Variants in NT5DC3 observed in about 807,000 individuals in gnomAD.
The protein encoded by NT5DC3 is 5'-nucleotidase domain-containing protein 3.
Under a neutral mutation model 67.8 loss-of-function variants are expected in NT5DC3, and 42 were observed. The observed-to-expected ratio is 0.62, with a 90% CI of 0.48 to 0.80. The LOEUF is 0.80. NT5DC3 is among the 30% of genes least tolerant of loss of function. NT5DC3 has a pLI of 0.00. For synonymous variants in NT5DC3, 237 were observed against 255.6 expected (o/e 0.93, Z 0.69); for missense variants, 570 against 696.4 (o/e 0.82, Z 2.04).
chr12:103,807,801 G>A (rs374146489), intron 2 of NT5DC3, among the ~76,000 whole-genome samples: 9 of 152,264 alleles, frequency 5.9e-5, no homozygotes, highest in African/African-American at 2.2e-4. Context: ...ATACTCACGA[G>A]ATCTGATGGT....
intron 2 of NT5DC3, among the ~76,000 whole-genome samples, chr12:103,811,159 C>G (rs1339092699): frequency 2.0e-5 from 3 of 152,152 alleles, no homozygotes; most frequent in Admixed American, 2.0e-4. Flanking sequence ...AAGTGTCTGC[C>G]CCTGCAAAGT....
At chr12:103,785,751 TAAAAAAAAAAAAAAA>T (rs201632707) in intron 11 of NT5DC3, 1,862 of 364,626 alleles carry the variant, frequency 5.1e-3, no homozygotes, top group South Asian at 9.4e-3. Flanking sequence ...CCATGGTCTG[TAAAAAAAAAAAAAAA>T]AAAAAAAAAA....
intron 1 of NT5DC3, among the ~76,000 whole-genome samples, chr12:103,838,155 T>C (rs550634054): frequency 6.6e-6 from 1 of 152,296 alleles, no homozygotes; most frequent in South Asian, 2.1e-4. Flanking sequence ...ACTTATTCAC[T>C]ATCATGAGAA....
the NT5DC3 span, chr12:103,763,947 T>C: frequency 5.3e-6 from 1 of 188,438 alleles, no homozygotes; most frequent in Non-Finnish European, 1.1e-5. Context: ...AGGTAGCAGG[T>C]GCAAAACAAG....
chr12:103,813,075 T>C (rs1887103275), intron 2 of NT5DC3, among the ~76,000 whole-genome samples: 1 of 152,260 alleles, frequency 6.6e-6, no homozygotes, highest in Non-Finnish European at 1.5e-5. Context: ...CAGCACCTAG[T>C]GGACAATCAA....
Position 103,776,786 on chromosome 12 carries a change from T to TC in NT5DC3, c.*1042dup, listed in dbSNP as rs1885357939. The TC allele has an allele frequency of 6.6e-6, 1 of 152,072 alleles. No individual in the cohort carries two copies. Among genetic ancestry groups the TC allele is most frequent in the Admixed American group, 6.5e-5 (1 of 15,272 alleles). 9.4% of individuals were successfully genotyped at this position (152,072 alleles called of 1,614,324 possible). ...TAAGTTGTGGTGGCCATCTTCCTCCTCCCCTGGCCAATCCAAGCACCTCTC... is the reference window on the plus strand; with the variant it reads ...TAAGTTGTGGTGGCCATCTTCCTCCTCCCCCTGGCCAATCCAAGCACCTCTC... On this transcript the variant is annotated 3_prime_UTR_variant, in exon 14 of 14. Coordinates refer to ENST00000392876, the MANE Select transcript of NT5DC3 (RefSeq NM_001031701.3).
the NT5DC3 span, chr12:103,758,216 T>C: frequency 2.5e-6 from 4 of 1,614,208 alleles, no homozygotes; most frequent in South Asian, 2.2e-5. Flanking sequence ...CGTGCATTTC[T>C]AGAACACCTG....
chr12:103,806,768 T>C lies in NT5DC3; in HGVS notation c.468+87A>G, dbSNP rs1016310087. The C allele has an allele frequency of 7.3e-6, 6 of 827,050 alleles. No individual in the cohort carries two copies. In the South Asian group the frequency reaches 7.6e-5, roughly 11 times the overall value. 51.2% of individuals were successfully genotyped at this position (827,050 alleles called of 1,614,324 possible). A position where few individuals can be genotyped will look rare whatever the true frequency, so the allele number is the denominator to read the frequency against. On this transcript the variant is annotated intron_variant, in intron 3 of 13. Transcript: ENST00000392876. ...CCAAATAACATAATTTAAAACTAATTTGCCCGTTCAGTAAAGAAAAGTACC... is the reference window on the plus strand; with the variant it reads ...CCAAATAACATAATTTAAAACTAATCTGCCCGTTCAGTAAAGAAAAGTACC...
intron 1 of NT5DC3, 66 bp downstream of exon 1, chr12:103,840,883 C>T: frequency 9.8e-7 from 1 of 1,023,612 alleles, no homozygotes; most frequent in South Asian, 2.7e-5. Context: ...TCCTAGGGCG[C>T]CCGCTTCCCA....
At chr12:103,836,378 C>T (rs1192254904) in intron 1 of NT5DC3, among the ~76,000 whole-genome samples, 6 of 152,122 alleles carry the variant, frequency 3.9e-5, no homozygotes, top group Admixed American at 6.5e-5. Context: ...AATGGCGGTA[C>T]GGGTATTGGG....
chr12:103,824,083 G>A (rs1887594979), intron 1 of NT5DC3, among the ~76,000 whole-genome samples: 1 of 152,138 alleles, frequency 6.6e-6, no homozygotes, highest in Non-Finnish European at 1.5e-5. Flanking sequence ...TTATGTTTTG[G>A]TATGTTACAC....
the NT5DC3 span, chr12:103,755,405 T>C: frequency 1.2e-6 from 2 of 1,614,126 alleles, no homozygotes; most frequent in Non-Finnish European, 1.7e-6. Context: ...GTTGGGATAG[T>C]GGACTATGGA....
At chr12:103,817,773 A>C (rs961498847) in intron 1 of NT5DC3, among the ~76,000 whole-genome samples, 3 of 151,604 alleles carry the variant, frequency 2.0e-5, no homozygotes, top group Admixed American at 6.6e-5. Context: ...CTATGTTCTT[A>C]ACTCCCTTTC....
At position 103,782,781 on chromosome 12, in the gene NT5DC3, G is replaced by A. The variant is rs138076167; in HGVS notation, c.1330-2417C>T. ...CAAATGACACTCTGTGAGGTCAGGAGTTTGAGACCAGCCTGGCTAACATGG... is the reference window on the plus strand; with the variant it reads ...CAAATGACACTCTGTGAGGTCAGGAATTTGAGACCAGCCTGGCTAACATGG... On this transcript the variant is annotated intron_variant, in intron 12 of 13. Transcript: ENST00000392876. Among the ~76,000 whole-genome samples, 3 of 152,308 alleles carry A rather than the reference G, an allele frequency of 2.0e-5. No homozygotes were observed. The East Asian group carries it at 5.8e-4, about 29-fold the overall frequency.
intron 6 of NT5DC3, 137 bp downstream of exon 6, chr12:103,796,757 G>T: frequency 1.2e-6 from 1 of 830,580 alleles, no homozygotes; most frequent in Non-Finnish European, 1.9e-6. Flanking sequence ...AATGTTCAAG[G>T]TTAAACCACA....
At chr12:103,768,271 C>T (rs1391479902), downstream of NT5DC3, among the ~76,000 whole-genome samples, 2 of 150,502 alleles carry the variant, frequency 1.3e-5, no homozygotes, top group Non-Finnish European at 3.0e-5. Flanking sequence ...CCTGTCTCTA[C>T]TAAAACTACA....
intron 2 of NT5DC3, among the ~76,000 whole-genome samples, chr12:103,807,897 T>C (rs1217760304): frequency 6.6e-6 from 1 of 152,210 alleles, no homozygotes; most frequent in South Asian, 2.1e-4. Context: ...TTGTGAGGGC[T>C]CCCCAGACAC....
At chr12:103,762,513 G>C in the NT5DC3 span, 4 of 1,537,322 alleles carry the variant, frequency 2.6e-6, no homozygotes, top group Non-Finnish European at 3.5e-6. Flanking sequence ...CAGAAGCAGT[G>C]TGTCACACAG....
chr12:103,816,626 A>C (rs1420721393), intron 1 of NT5DC3, among the ~76,000 whole-genome samples: 9 of 152,216 alleles, frequency 5.9e-5, no homozygotes, highest in Admixed American at 4.6e-4. Flanking sequence ...CCTTTCAAAA[A>C]TTCATTCTAC....
Sources: allele counts gnomAD v4.1 joint callset (sites outside exome capture counted in the v4.1 genomes callset), GRCh38; gene constraint gnomAD v4.1.1; transcripts MANE v1.5; gene names NCBI Gene and HGNC (gene_info 2026-07-23, HGNC 2026-07-21).